The following NRXN3 variants were observed in gnomAD, a reference collection of about 807,000 sequenced individuals.
NRXN3 encodes neurexin III.
NRXN3 carries 32 observed loss-of-function variants against 137.6 expected under a neutral mutation model. The ratio of observed to expected loss-of-function variants is 0.23; its 90% CI spans 0.18 to 0.31. The LOEUF (loss-of-function observed/expected upper bound fraction) is 0.31. NRXN3 is among the 10% of genes least tolerant of loss of function. The pLI is 1.00. For synonymous variants in NRXN3, 798 were observed against 784.5 expected (o/e 1.02, Z -0.29); for missense variants, 1,574 against 2,062.5 (o/e 0.76, Z 4.59).
At position 78,484,985 on chromosome 14, in the gene NRXN3, G is replaced by A. The variant is rs1017429270; in HGVS notation, c.758-160135G>A. 3.9e-5 allele frequency among the ~76,000 whole-genome samples: 6 copies of A among 152,148 alleles called. No homozygotes were observed. The East Asian group carries it at 1.2e-3, about 29-fold the overall frequency. ...GAACCTTGCCAGCACACTCCTTTGG[G>A]ATGGGCTCAGTCACCCTTATAATGC... On this transcript the variant is annotated intron_variant, in intron 4 of 20. Coordinates refer to ENST00000335750, the MANE Select transcript of NRXN3 (RefSeq NM_001330195.2).
intron 1 of NRXN3, among the ~76,000 whole-genome samples, chr14:78,199,462 C>T (rs1228393431): frequency 6.6e-6 from 1 of 152,178 alleles, no homozygotes; most frequent in Non-Finnish European, 1.5e-5. Context: ...ATTACATACA[C>T]ATCTGTATAT....
intron 6 of NRXN3, chr14:78,703,632 A>C (rs17108078): frequency 7.9e-5 from 12 of 152,284 alleles, no homozygotes; most frequent in African/African-American, 2.6e-4. Context: ...GAAAAGCTTT[A>C]TTGAGATTTG....
intron 15 of NRXN3, among the ~76,000 whole-genome samples, chr14:79,158,413 C>A (rs2060455029): frequency 6.6e-6 from 1 of 151,786 alleles, no homozygotes; most frequent in Non-Finnish European, 1.5e-5. Flanking sequence ...TAAATACCTA[C>A]TATTATGATG....
chr14:78,638,756 A>G (rs1017628429), intron 4 of NRXN3, among the ~76,000 whole-genome samples: 1 of 152,184 alleles, frequency 6.6e-6, no homozygotes, highest in Non-Finnish European at 1.5e-5. Context: ...TAGAGGAACG[A>G]ACTCATACTT....
chr14:78,671,158 A>T (rs569378488), intron 6 of NRXN3, among the ~76,000 whole-genome samples: 1 of 152,210 alleles, frequency 6.6e-6, no homozygotes. Flanking sequence ...AAGCTAAGAA[A>T]GTAGGAAGTT....
At chr14:78,386,867 G>A (rs2090045684) in intron 4 of NRXN3, among the ~76,000 whole-genome samples, 1 of 151,602 alleles carries the variant, frequency 6.6e-6, no homozygotes, top group Admixed American at 6.6e-5. Flanking sequence ...TGCAACCTCT[G>A]CCTCCCATTT....
intron 16 of NRXN3, among the ~76,000 whole-genome samples, chr14:79,647,588 G>A (rs1362151482): frequency 7.4e-6 from 1 of 135,664 alleles, no homozygotes; most frequent in African/African-American, 2.5e-5. Flanking sequence ...TTATGAGTCT[G>A]CCTAACAGTG....
chr14:78,774,248 G>A (rs2098738041), intron 8 of NRXN3, among the ~76,000 whole-genome samples: 1 of 152,152 alleles, frequency 6.6e-6, no homozygotes, highest in Non-Finnish European at 1.5e-5. Context: ...AGGATTGAAT[G>A]TTAAATAAAT....
intron 4 of NRXN3, among the ~76,000 whole-genome samples, chr14:78,515,000 C>T (rs919383137): frequency 2.0e-5 from 3 of 152,108 alleles, no homozygotes; most frequent in Admixed American, 2.0e-4. Flanking sequence ...AAAATATGCT[C>T]AGGTCTGGTC....
chr14:78,190,096 A>G (rs2060576246), intron 1 of NRXN3, among the ~76,000 whole-genome samples: 1 of 152,198 alleles, frequency 6.6e-6, no homozygotes, highest in South Asian at 2.1e-4. Flanking sequence ...GTACATGGTG[A>G]GCACTCAGTG....
At position 79,433,396 on chromosome 14, in the gene NRXN3, G is replaced by T. The variant is rs544355381; in HGVS notation, c.3263-33825G>T. ...CACTTGAAGTCAGAAGCCTAAGTGG[G>T]TGTCCAGAGAATTCAATGCCGAAAG... is the stretch of plus-strand genomic sequence containing the variant. On this transcript the variant is annotated intron_variant, in intron 15 of 20. Transcript: ENST00000335750. 2.6e-5 allele frequency among the ~76,000 whole-genome samples: 4 copies of T among 152,232 alleles called. No homozygotes were observed. In the East Asian group the frequency reaches 7.7e-4, roughly 29 times the overall value.
chr14:78,628,487 A>G (rs1358332578), intron 4 of NRXN3, among the ~76,000 whole-genome samples: 2 of 152,242 alleles, frequency 1.3e-5, no homozygotes, highest in African/African-American at 2.4e-5. Flanking sequence ...TTCACTGTCA[A>G]CCTGGCACAT....
At chr14:78,506,946 T>A (rs2096007129) in intron 4 of NRXN3, among the ~76,000 whole-genome samples, 1 of 152,206 alleles carries the variant, frequency 6.6e-6, no homozygotes, top group African/African-American at 2.4e-5. Context: ...TCACCTCCTT[T>A]GCCCATTTCT....
intron 16 of NRXN3, among the ~76,000 whole-genome samples, chr14:79,631,454 G>A (rs970227193): frequency 6.6e-6 from 1 of 152,256 alleles, no homozygotes; most frequent in African/African-American, 2.4e-5. Context: ...GGTGTGGAGA[G>A]ACAGGCAGAG....
chr14:79,116,071 A>C (rs2054379953), intron 15 of NRXN3, among the ~76,000 whole-genome samples: 1 of 152,194 alleles, frequency 6.6e-6, no homozygotes, highest in Non-Finnish European at 1.5e-5. Context: ...TTGACACCTA[A>C]GCTGATACTT....
At chr14:78,819,922 C>T (rs975294154) in intron 10 of NRXN3, among the ~76,000 whole-genome samples, 3 of 152,254 alleles carry the variant, frequency 2.0e-5, no homozygotes, top group East Asian at 1.9e-4. Flanking sequence ...TTGCTTTACT[C>T]GCCTATTTAT....
At chr14:79,557,709 G>A (rs1004871077) in intron 16 of NRXN3, among the ~76,000 whole-genome samples, 5 of 152,274 alleles carry the variant, frequency 3.3e-5, no homozygotes, top group Admixed American at 1.3e-4. Flanking sequence ...TTGGCTGATG[G>A]AGGGTCTTGT....
At position 78,248,685 on chromosome 14, in the gene NRXN3, C is replaced by T. The variant is rs115894074; in HGVS notation, c.709+4883C>T. The stretch of plus-strand genomic sequence containing the variant: ...CTTGAATTATAACATGGCATTGTTC[C>T]CAATCTGTGTCAGCTCTGAATGGCT... On this transcript the variant is annotated intron_variant, in intron 2 of 20. Transcript: ENST00000335750. 6.8e-3 allele frequency among the ~76,000 whole-genome samples: 1,031 copies of T among 152,172 alleles called. 9 individuals are homozygous for T. Among genetic ancestry groups the T allele is most frequent in the African/African-American group, 0.023 (968 of 41,536 alleles).
At chr14:78,182,818 A>G (rs2059925595) in intron 1 of NRXN3, among the ~76,000 whole-genome samples, 1 of 152,140 alleles carries the variant, frequency 6.6e-6, no homozygotes, top group Admixed American at 6.5e-5. Flanking sequence ...GATAAGTAGG[A>G]ATTCTTATCC....
Sources: allele counts gnomAD v4.1 joint callset (sites outside exome capture counted in the v4.1 genomes callset), GRCh38; gene constraint gnomAD v4.1.1; transcripts MANE v1.5; gene names NCBI Gene and HGNC (gene_info 2026-07-23, HGNC 2026-07-21).